The following ZNF578 variants were observed in gnomAD, a reference collection of about 807,000 sequenced individuals.
The protein encoded by ZNF578 is zinc finger protein 578, also known as Putative chemokine-related protein B42.
Under a neutral mutation model 8.3 loss-of-function variants are expected in ZNF578, and 8 were observed. The observed-to-expected ratio is 0.96, with a 90% CI of 0.56 to 1.74. The LOEUF is 1.74. Ranked by LOEUF, ZNF578 falls within the 40% of genes most tolerant of loss-of-function variation. ZNF578 has a pLI of 0.00. For missense variants in ZNF578, 726 were observed against 707.5 expected (o/e 1.03, Z -0.30); for synonymous variants, 206 against 232.2 (o/e 0.89, Z 1.03).
intron 2 of ZNF578, among the ~76,000 whole-genome samples, chr19:52,462,628 C>G (rs1035939816): frequency 8.5e-5 from 13 of 152,302 alleles, no homozygotes; most frequent in Non-Finnish European, 1.6e-4. Flanking sequence ...AGGTTTTCTT[C>G]TGCAAGCTGG....
At chr19:52,480,189 A>G (rs907056269) in intron 2 of ZNF578, among the ~76,000 whole-genome samples, 11 of 152,190 alleles carry the variant, frequency 7.2e-5, no homozygotes, top group African/African-American at 1.4e-4. Flanking sequence ...TACAGGCGTG[A>G]GCCACCGTGC....
At chr19:52,469,019 C>T (rs912416180) in intron 2 of ZNF578, among the ~76,000 whole-genome samples, 2 of 152,176 alleles carry the variant, frequency 1.3e-5, no homozygotes, top group African/African-American at 2.4e-5. Flanking sequence ...AGCTTGCATA[C>T]AGCCTATCAT....
At chr19:52,488,996 G>A (rs1363536647) in intron 2 of ZNF578, among the ~76,000 whole-genome samples, 1 of 152,090 alleles carries the variant, frequency 6.6e-6, no homozygotes, top group Non-Finnish European at 1.5e-5. Flanking sequence ...TCCAGAGGCT[G>A]AGGCAGGAGA....
rs551369882 is a variant in ZNF578 at position 52,493,437 on chromosome 19, T to C, written c.-20+2012T>C. Among the ~76,000 whole-genome samples the C allele has an allele frequency of 1.3e-4, 20 of 152,240 alleles. 1 individual carries two copies. Among genetic ancestry groups the C allele is most frequent in the Admixed American group, 5.2e-4 (8 of 15,300 alleles). On this transcript the variant is annotated intron_variant, in intron 3 of 5. Transcript: ENST00000421239. Reference sequence around the variant, plus strand: ...ACCCGGGATATTCTTGCCTGCCCAGTTCCACCCCCCGGAAAATGCGCTTCT... The same window carrying C: ...ACCCGGGATATTCTTGCCTGCCCAGCTCCACCCCCCGGAAAATGCGCTTCT...
intron 2 of ZNF578, among the ~76,000 whole-genome samples, chr19:52,473,123 G>T (rs141523162): frequency 1.5e-4 from 23 of 152,264 alleles, no homozygotes; most frequent in African/African-American, 5.5e-4. Context: ...GATGTGGCAG[G>T]CCTCGACAAA....
chr19:52,477,748 G>A (rs1336824159), intron 2 of ZNF578, among the ~76,000 whole-genome samples: 1 of 152,096 alleles, frequency 6.6e-6, no homozygotes, highest in East Asian at 1.9e-4. Flanking sequence ...CCAAGTTTTT[G>A]TACATTTCAC....
At position 52,466,083 on chromosome 19, in the gene ZNF578, A is replaced by G. The variant is rs561402105; in HGVS notation, c.-122+9125A>G. Among the ~76,000 whole-genome samples the G allele has an allele frequency of 1.5e-4, 23 of 152,356 alleles. No homozygotes were observed. The East Asian group carries it at 3.1e-3, about 20-fold the overall frequency. ...GGCCCTGATCTCTGGTCTCCACACTATTGTGTACAATCACTTAGATCTGAG... is the reference window on the plus strand; with the variant it reads ...GGCCCTGATCTCTGGTCTCCACACTGTTGTGTACAATCACTTAGATCTGAG... On this transcript the variant is annotated intron_variant, in intron 2 of 5. Transcript: ENST00000421239.
chr19:52,464,360 A>G (rs773276954), intron 2 of ZNF578, among the ~76,000 whole-genome samples: 4 of 152,180 alleles, frequency 2.6e-5, no homozygotes, highest in Non-Finnish European at 4.4e-5. Flanking sequence ...TCTCCCCTCA[A>G]TACTGAGAAG....
chr19:52,459,769 A>ATATATTTTTT (rs1555751349), intron 2 of ZNF578, among the ~76,000 whole-genome samples: 679 of 17,616 alleles, frequency 0.039, 206 homozygotes, highest in South Asian at 0.067. Flanking sequence ...ATATATATAT[A>ATATATTTTTT]TTTTTTTTTT....
chr19:52,489,098 GC>G (rs908363773), intron 2 of ZNF578, among the ~76,000 whole-genome samples: 2 of 151,344 alleles, frequency 1.3e-5, no homozygotes, highest in African/African-American at 4.9e-5. Flanking sequence ...GACTCCGTCT[GC>G]CCCCCCTAAA....
chr19:52,509,799 A>C (rs1191740645), intron 5 of ZNF578, among the ~76,000 whole-genome samples: 1 of 152,184 alleles, frequency 6.6e-6, no homozygotes, highest in Non-Finnish European at 1.5e-5. Flanking sequence ...AAAAGTCACT[A>C]TGTGCCTGTT....
At chr19:52,508,530 G>A (rs1436443261) in intron 5 of ZNF578, among the ~76,000 whole-genome samples, 1 of 151,990 alleles carries the variant, frequency 6.6e-6, no homozygotes, top group Non-Finnish European at 1.5e-5. Flanking sequence ...GAGCGCGGTG[G>A]CTCTCGCCTG....
At chr19:52,454,154 T>A (rs994829287) in intron 1 of ZNF578, 3 of 152,234 alleles carry the variant, frequency 2.0e-5, no homozygotes, top group Non-Finnish European at 1.5e-5. Context: ...TCAGTGTTTT[T>A]CCGTTCCAAA....
chr19:52,505,227 T>C (rs1189270766), intron 5 of ZNF578, among the ~76,000 whole-genome samples: 1 of 152,030 alleles, frequency 6.6e-6, no homozygotes, highest in East Asian at 1.9e-4. Flanking sequence ...CGTCTCTCAC[T>C]GGCACTGTGA....
chr19:52,508,648 T>G (rs908255775), intron 5 of ZNF578, among the ~76,000 whole-genome samples: 2 of 151,274 alleles, frequency 1.3e-5, no homozygotes, highest in Non-Finnish European at 2.9e-5. Flanking sequence ...AATACAAAAT[T>G]ATCGAGTGTG....
intron 2 of ZNF578, among the ~76,000 whole-genome samples, chr19:52,483,379 C>T (rs906761152): frequency 6.6e-6 from 1 of 152,178 alleles, no homozygotes; most frequent in South Asian, 2.1e-4. Flanking sequence ...CACGCCATTG[C>T]ACTCCAGCCT....
intron 2 of ZNF578, among the ~76,000 whole-genome samples, chr19:52,467,914 C>G (rs1361440678): frequency 1.3e-5 from 2 of 152,070 alleles, no homozygotes; most frequent in Admixed American, 6.6e-5. Context: ...TTCAAGTCTT[C>G]TAATATAGTA....
At chr19:52,474,062 C>T (rs928521363) in intron 2 of ZNF578, 7 of 409,772 alleles carry the variant, frequency 1.7e-5, no homozygotes, top group Non-Finnish European at 3.5e-5. Context: ...ACATTCATTA[C>T]ATTTGTAAGG....
At chr19:52,482,794 G>T (rs1293549687) in intron 2 of ZNF578, among the ~76,000 whole-genome samples, 1 of 151,894 alleles carries the variant, frequency 6.6e-6, no homozygotes, top group Non-Finnish European at 1.5e-5. Flanking sequence ...AAAATTAGCG[G>T]GGTGTGGTGG....
Sources: gnomAD v4.1 joint callset for allele counts (sites outside exome capture counted in the v4.1 genomes callset) on GRCh38, gnomAD v4.1.1 for gene constraint, MANE v1.5 for transcripts, NCBI Gene and HGNC (gene_info 2026-07-23, HGNC 2026-07-21) for gene names.